Variants in MAP2K2 observed in about 807,000 individuals in gnomAD.
MAP2K2 encodes dual specificity mitogen-activated protein kinase kinase 2.
In MAP2K2, 24 loss-of-function variants were observed where a neutral mutation model predicts 43.7. The ratio of observed to expected loss-of-function variants is 0.55; its 90% CI spans 0.40 to 0.77. The LOEUF (loss-of-function observed/expected upper bound fraction) is 0.77. Among genes scored for constraint, MAP2K2 ranks in the 30% least tolerant of loss-of-function variants. The probability of loss-of-function intolerance (pLI) is 0.00; values close to 1 mark genes in which losing one functional copy is unlikely to be tolerated. For missense variants in MAP2K2, 470 were observed against 566.8 expected (o/e 0.83, Z 1.73); for synonymous variants, 244 against 239.7 (o/e 1.02, Z -0.17).
intron 3 of MAP2K2, among the ~76,000 whole-genome samples, chr19:4,108,060 C>A (rs183364656): frequency 6.6e-6 from 1 of 152,170 alleles, no homozygotes; most frequent in Admixed American, 6.5e-5. Context: ...GCTGGGCAGG[C>A]CCTTCCATGG....
intron 7 of MAP2K2, 60 bp downstream of exon 7, chr19:4,099,141 C>G (rs1042580280): frequency 3.5e-5 from 50 of 1,448,714 alleles, no homozygotes; most frequent in Non-Finnish European, 4.1e-5. Flanking sequence ...GACCCTGGCA[C>G]AGCAGGCCCC....
chr19:4,118,133 T>C (rs2041249225), intron 1 of MAP2K2, among the ~76,000 whole-genome samples: 1 of 152,150 alleles, frequency 6.6e-6, no homozygotes, highest in Non-Finnish European at 1.5e-5. Flanking sequence ...AGACAGGGTT[T>C]CGCCATGTTG....
In MAP2K2 at chr19:4,099,297, G is replaced by C. The variant is rs145934142; in HGVS notation, c.823C>G (p.Leu275Val). The change falls in exon 7 of 11, where the codon CTG becomes GTG. Residue 275 changes from leucine to valine, a missense_variant. Leu to Val is a conservative substitution (Grantham distance 32, BLOSUM62 1). Transcript: ENST00000262948. ...ACGGGCCGGCCAAAGATGGCCTCCAGCTCTTTGGCGTCGGGCGGGGGGATG... is the reference window on the plus strand; with the variant it reads ...ACGGGCCGGCCAAAGATGGCCTCCACCTCTTTGGCGTCGGGCGGGGGGATG... ...YPIPPPDAKE[L>V]EAIFGRPVVD... 6.2e-7 allele frequency: 1 copy of C among 1,607,452 alleles called. No homozygotes were observed.
chr19:4,091,451 C>T (rs1023025748), intron 10 of MAP2K2, among the ~76,000 whole-genome samples: 1 of 151,786 alleles, frequency 6.6e-6, no homozygotes, highest in Non-Finnish European at 1.5e-5. Flanking sequence ...CTCCCGGGTT[C>T]AAGCGATTCT....
At chr19:4,092,483 A>G (rs1037319150) in intron 10 of MAP2K2, among the ~76,000 whole-genome samples, 1 of 151,744 alleles carries the variant, frequency 6.6e-6, no homozygotes, top group Non-Finnish European at 1.5e-5. Flanking sequence ...CAGCTACTCG[A>G]GAGGCTGAGG....
chr19:4,118,777 G>A (rs2041259018), intron 1 of MAP2K2, among the ~76,000 whole-genome samples: 1 of 152,102 alleles, frequency 6.6e-6, no homozygotes, highest in African/African-American at 2.4e-5. Context: ...GCAAGACCTT[G>A]TTTCTACACA....
At chr19:4,119,218 TTTATTA>T (rs1400606383) in intron 1 of MAP2K2, among the ~76,000 whole-genome samples, 1 of 151,938 alleles carries the variant, frequency 6.6e-6, no homozygotes, top group Non-Finnish European at 1.5e-5. Context: ...TTAATTAATT[TTTATTA>T]TTATTATTAT....
intron 1 of MAP2K2, among the ~76,000 whole-genome samples, 192 bp from the exon 2 acceptor site, chr19:4,117,821 G>A (rs1023431422): frequency 2.6e-5 from 4 of 152,168 alleles, no homozygotes; most frequent in Admixed American, 6.5e-5. Flanking sequence ...AATCCAGGGC[G>A]GCTCCCCGGG....
chr19:4,113,551 T>C (rs1211112301), intron 2 of MAP2K2, among the ~76,000 whole-genome samples: 2 of 152,152 alleles, frequency 1.3e-5, no homozygotes, highest in Admixed American at 1.3e-4. Context: ...CTCGGAGCCA[T>C]GTTCCCAGTG....
At position 4,099,383 on chromosome 19, in the gene MAP2K2, A is replaced by G; in HGVS notation, c.737T>C (p.Val246Ala). The change falls in exon 7 of 11, where the codon GTG (valine) becomes GCG (alanine). Residue 246 changes from valine (V) to alanine (A), a missense_variant. Physicochemically the swap from Val to Ala is moderately conservative, Grantham distance 64. This residue lies in a region of MAP2K2 where 200 missense variants were observed against 297.9 expected (regional missense o/e 0.67). Transcript: ENST00000262948. ...GCCCATGCTCCAGATGTCCGACTGC[A>G]CCGAGTAATGTGTGCCCTGCAACCG... ...PERLQGTHYSVQSDIWSMGLS... is the reference protein window; with the variant it reads ...PERLQGTHYSAQSDIWSMGLS... 1.2e-6 allele frequency: 2 copies of G among 1,611,320 alleles called. No homozygotes were observed. Among genetic ancestry groups the G allele is most frequent in the Non-Finnish European group, 1.7e-6 (2 of 1,179,132 alleles).
intron 9 of MAP2K2, chr19:4,094,709 A>C: frequency 1.7e-6 from 1 of 582,098 alleles, no homozygotes; most frequent in Non-Finnish European, 3.1e-6. Context: ...GGGGCAGGAC[A>C]CCCCCCAGCG....
intron 1 of MAP2K2, among the ~76,000 whole-genome samples, chr19:4,123,574 C>CGAGGGTCCCCTGCCCCGTCCTCCCCA (rs1184684440): frequency 6.9e-6 from 1 of 145,672 alleles, no homozygotes; most frequent in Non-Finnish European, 1.5e-5. Context: ...CGTCCTCCCC[C>CGAGGGTCCCCTGCCCCGTCCTCCCCA]GAGGGCCCCC....
chr19:4,110,714 T>TG, intron 2 of MAP2K2, 59 bp from the exon 3 acceptor site: 1 of 1,578,294 alleles, frequency 6.3e-7, no homozygotes. Context: ...GATGAAGGCA[T>TG]TTGGGGCCTC....
chr19:4,111,204 G>A (rs1285850072), intron 2 of MAP2K2, among the ~76,000 whole-genome samples: 2 of 152,314 alleles, frequency 1.3e-5, no homozygotes, highest in Non-Finnish European at 1.5e-5. Context: ...AAAATTGACT[G>A]TGGTGATGAG....
chr19:4,115,916 G>C lies in MAP2K2; in HGVS notation c.303+1503C>G, dbSNP rs1478135246. 2.0e-5 allele frequency among the ~76,000 whole-genome samples: 3 copies of C among 152,186 alleles called. No individual in the cohort carries two copies. Among genetic ancestry groups the C allele is most frequent in the Non-Finnish European group, 4.4e-5 (3 of 68,036 alleles). Reference sequence around the variant, plus strand: ...TGTGTTTAAGAGCCACTGTCCCCAAGTGGTCACATCCTCCCTGTATCCCCT... The same window carrying C: ...TGTGTTTAAGAGCCACTGTCCCCAACTGGTCACATCCTCCCTGTATCCCCT... On this transcript the variant is annotated intron_variant, in intron 2 of 10. Transcript: ENST00000262948. The surrounding 1 kb of genome is among the most constrained non-coding windows in gnomAD (Gnocchi z 4.1).
intron 7 of MAP2K2, among the ~76,000 whole-genome samples, chr19:4,097,611 G>A (rs2040938148): frequency 6.6e-6 from 1 of 152,198 alleles, no homozygotes; most frequent in South Asian, 2.1e-4. Flanking sequence ...CACACATTTG[G>A]CTCGGTGAGG....
chr19:4,095,384 C>T lies in MAP2K2; in HGVS notation c.1046+4G>A, dbSNP rs1011864039. ...AGGGGTGTGGGCAGCCCGGCTCCAC[C>T]TACCATTTATTGACAAACTCCTGGA... On this transcript the variant is annotated splice_donor_region_variant and intron_variant, in intron 9 of 10. Coordinates refer to ENST00000262948, the MANE Select transcript of MAP2K2 (RefSeq NM_030662.4). The T allele has an allele frequency of 1.6e-5, 25 of 1,550,982 alleles. No homozygotes were observed. Among genetic ancestry groups the T allele is most frequent in the Non-Finnish European group, 2.1e-5 (24 of 1,146,790 alleles).
chr19:4,118,555 G>C (rs2145082326), intron 1 of MAP2K2, among the ~76,000 whole-genome samples: 1 of 152,192 alleles, frequency 6.6e-6, no homozygotes, highest in South Asian at 2.1e-4. Flanking sequence ...CTCCAGCCTG[G>C]GCAGCAGAGG....
Position 4,095,036 on chromosome 19 carries a change from C to T in MAP2K2, c.1046+352G>A, listed in dbSNP as rs180911960. 1.7e-4 allele frequency: 61 copies of T among 361,682 alleles called. No individual in the cohort carries two copies. The East Asian group carries it at 2.6e-3, about 16-fold the overall frequency. The allele number at this position is 361,682 out of a possible 1,614,324, so 22.4% of individuals were successfully genotyped here. On this transcript the variant is annotated intron_variant, in intron 9 of 10. Transcript: ENST00000262948. ...AGGAGAATGGAGTGGGGCTGGCGAC[C>T]CTCCCAGAACCTGCGGGCGGATCCC...
Sources: allele counts gnomAD v4.1 joint callset (sites outside exome capture counted in the v4.1 genomes callset), GRCh38; gene constraint gnomAD v4.1.1; regional missense constraint gnomAD v4.1.1; non-coding constraint Gnocchi (gnomAD v3.1); transcripts MANE v1.5; gene names NCBI Gene and HGNC (gene_info 2026-07-23, HGNC 2026-07-21).